The following SP1 variants were observed in gnomAD, a reference collection of about 807,000 sequenced individuals.
The protein encoded by SP1 is transcription factor Sp1.
Under a neutral mutation model 66.3 loss-of-function variants are expected in SP1, and 6 were observed. The ratio of observed to expected loss-of-function variants is 0.09; its 90% confidence interval spans 0.05 to 0.18. The LOEUF is 0.18. SP1 is among the 10% of genes least tolerant of loss of function. The pLI is 1.00. For synonymous variants in SP1, 417 were observed against 360.8 expected (o/e 1.16, Z -1.77); for missense variants, 848 against 964.5 (o/e 0.88, Z 1.60).
chr12:53,400,755 ATTTTTTT>A (rs10547195), intron 3 of SP1, among the ~76,000 whole-genome samples: 193 of 70,066 alleles, frequency 2.8e-3, no homozygotes, highest in African/African-American at 0.01. Flanking sequence ...CACTGGGCTA[ATTTTTTT>A]TTTTTTTTTT....
intron 3 of SP1, among the ~76,000 whole-genome samples, chr12:53,383,973 CTT>C (rs56055478): frequency 9.8e-5 from 13 of 132,900 alleles, no homozygotes; most frequent in Admixed American, 7.3e-5. Flanking sequence ...ATTTTCTTTT[CTT>C]TTTTTTTTTT....
At chr12:53,391,380 C>T (rs987011877) in intron 3 of SP1, among the ~76,000 whole-genome samples, 5 of 120,552 alleles carry the variant, frequency 4.1e-5, no homozygotes, top group East Asian at 2.7e-4. Context: ...GACGGAGTCT[C>T]GCTCTGTTGC....
rs930499873 is a variant in SP1 at position 53,380,216 on chromosome 12, C to A, written c.-76C>A. ...TCCGGTCCGGGTTCGCTTGCCTCGT[C>A]AGCGTCCGCGTTTTTCCCGGCCCCC... On this transcript the variant is annotated 5_prime_UTR_variant, in exon 1 of 6. Transcript: ENST00000327443. 4 of 1,144,088 alleles carry A rather than the reference C, an allele frequency of 3.5e-6. No homozygotes were observed. The South Asian group carries it at 5.1e-5, about 14-fold the overall frequency. The allele number at this position is 1,144,088 out of a possible 1,614,324, so 70.9% of individuals were successfully genotyped here.
rs569087502 is a variant in SP1 at position 53,412,489 on chromosome 12, C to G, written c.*1249C>G. On this transcript the variant is annotated 3_prime_UTR_variant, in exon 6 of 6. Transcript: ENST00000327443. Reference sequence around the variant, plus strand: ...TTGAACATCCCCACTAGGTTCTTTTCCATTGTCAATAAGGAGCATCAGCCA... The same window carrying G: ...TTGAACATCCCCACTAGGTTCTTTTGCATTGTCAATAAGGAGCATCAGCCA... The G allele has an allele frequency of 3.3e-5, 5 of 152,714 alleles. No individual in the cohort carries two copies. In the East Asian group the frequency reaches 9.6e-4, roughly 29 times the overall value. The allele number at this position is 152,714 out of a possible 1,614,324, so 9.5% of individuals were successfully genotyped here.
chr12:53,386,465 T>C (rs1243036471), intron 3 of SP1, among the ~76,000 whole-genome samples: 1 of 151,758 alleles, frequency 6.6e-6, no homozygotes, highest in Non-Finnish European at 1.5e-5. Flanking sequence ...GATGTAAGTC[T>C]ATGTAGACTG....
Position 53,383,395 on chromosome 12 carries a change from C to T in SP1, c.1448C>T (p.Thr483Ile). ...QVQNPQAQTITLAPMQGVSLG... is the reference protein window; with the variant it reads ...QVQNPQAQTIILAPMQGVSLG... Reference sequence around the variant, plus strand: ...CAGAACCCACAAGCCCAAACAATCACCTTAGCCCCAATGCAGGGTGTTTCC... The same window carrying T: ...CAGAACCCACAAGCCCAAACAATCATCTTAGCCCCAATGCAGGGTGTTTCC... Residue 483 changes from threonine (T) to isoleucine (I), a missense_variant, in exon 3 of 6, where the codon ACC becomes ATC. Physicochemically the swap from Thr to Ile is moderately conservative, Grantham distance 89. This residue lies in a region of SP1 where 606 missense variants were observed against 589.9 expected (regional missense o/e 1.03). Coordinates refer to ENST00000327443, the MANE Select transcript of SP1 (RefSeq NM_138473.3). The T allele has an allele frequency of 1.9e-6, 3 of 1,614,234 alleles. No homozygotes were observed. The highest frequency in any genetic ancestry group is 1.1e-5 in the South Asian group (1 of 91,088).
intron 3 of SP1, among the ~76,000 whole-genome samples, chr12:53,390,762 C>T (rs1306769868): frequency 1.3e-5 from 2 of 152,112 alleles, no homozygotes; most frequent in African/African-American, 4.8e-5. Context: ...TCCATTGCTC[C>T]TATTTATTCA....
At chr12:53,392,558 C>T (rs35854626) in intron 3 of SP1, among the ~76,000 whole-genome samples, 8 of 151,246 alleles carry the variant, frequency 5.3e-5, no homozygotes, top group African/African-American at 1.9e-4. Flanking sequence ...GGGGTTTCAC[C>T]GTTTTAGCCG....
At chr12:53,406,348 C>CA (rs1325798022) in intron 3 of SP1, among the ~76,000 whole-genome samples, 1 of 151,914 alleles carries the variant, frequency 6.6e-6, no homozygotes, top group Non-Finnish European at 1.5e-5. Flanking sequence ...GAATTACAGG[C>CA]GTGAACCACT....
chr12:53,396,131 AT>A (rs1938483745), intron 3 of SP1, among the ~76,000 whole-genome samples: 1 of 151,750 alleles, frequency 6.6e-6, no homozygotes, highest in African/African-American at 2.4e-5. Context: ...AAAAAAAAAA[AT>A]TAGCCGGGTG....
intron 3 of SP1, among the ~76,000 whole-genome samples, chr12:53,402,614 G>A (rs1938633645): frequency 6.6e-6 from 1 of 150,988 alleles, no homozygotes; most frequent in Non-Finnish European, 1.5e-5. Flanking sequence ...CAAGGGGGGC[G>A]GATCACCTAA....
At chr12:53,385,095 G>C (rs1186880356) in intron 3 of SP1, among the ~76,000 whole-genome samples, 2 of 150,442 alleles carry the variant, frequency 1.3e-5, no homozygotes, top group Non-Finnish European at 3.0e-5. Flanking sequence ...AGGAGTTCAA[G>C]ACCAGCGTGG....
Position 53,415,948 on chromosome 12 carries a change from T to A in SP1, c.*4708T>A, listed in dbSNP as rs1160967118. 1 of 151,516 alleles carries A rather than the reference T, an allele frequency of 6.6e-6. No individual in the cohort carries two copies. The highest frequency in any genetic ancestry group is 1.5e-5 in the Non-Finnish European group (1 of 67,670). The allele number at this position is 151,516 out of a possible 1,614,324, so 9.4% of individuals were successfully genotyped here. A position where few individuals can be genotyped will look rare whatever the true frequency, so the allele number is the denominator to read the frequency against. ...CGGGGAAGATACACTGAGATTGACC[T>A]GAGGAGACATCTACACACACCAGTG... On this transcript the variant is annotated 3_prime_UTR_variant, in exon 6 of 6. Transcript: ENST00000327443.
chr12:53,413,674 A>T lies in SP1; in HGVS notation c.*2434A>T, dbSNP rs1284053076. On this transcript the variant is annotated 3_prime_UTR_variant, in exon 6 of 6. Coordinates refer to ENST00000327443, the MANE Select transcript of SP1 (RefSeq NM_138473.3). ...CAGAACCTGTTATTTTATGTCTGTA[A>T]TCATGTACTTTGGCATCTTTTGGAG... 1 of 152,588 alleles carries T rather than the reference A, an allele frequency of 6.6e-6. No homozygotes were observed. Among genetic ancestry groups the T allele is most frequent in the Non-Finnish European group, 1.5e-5 (1 of 68,034 alleles). 9.5% of individuals were successfully genotyped at this position (152,588 alleles called of 1,614,324 possible). A position where few individuals can be genotyped will look rare whatever the true frequency, so the allele number is the denominator to read the frequency against.
At chr12:53,409,604 A>T (rs746626154) in intron 5 of SP1, 43 bp downstream of exon 5, 1 of 1,480,086 alleles carries the variant, frequency 6.8e-7, no homozygotes, top group South Asian at 1.1e-5. Flanking sequence ...AATAGACTAG[A>T]ATGAAAAACA....
At chr12:53,397,589 C>CTT (rs764088852) in intron 3 of SP1, among the ~76,000 whole-genome samples, 3 of 74,224 alleles carry the variant, frequency 4.0e-5, no homozygotes, top group African/African-American at 5.1e-5. Flanking sequence ...CTTTTTTTTT[C>CTT]TTTTTTTTTT....
intron 3 of SP1, among the ~76,000 whole-genome samples, chr12:53,400,590 G>GCT (rs939325448): frequency 6.6e-6 from 1 of 151,802 alleles, no homozygotes; most frequent in Non-Finnish European, 1.5e-5. Flanking sequence ...TCTTTGTTTT[G>GCT]TTTTGTTTTT....
At chr12:53,405,295 A>G (rs748670360) in intron 3 of SP1, among the ~76,000 whole-genome samples, 47 of 152,304 alleles carry the variant, frequency 3.1e-4, no homozygotes, top group Non-Finnish European at 5.6e-4. Context: ...TGCTGGTTCA[A>G]ATTAGATGTA....
In SP1 at chr12:53,382,399, C is replaced by T. The variant is rs79716001; in HGVS notation, c.452C>T (p.Ala151Val). Residue 151 changes from alanine to valine, a missense_variant, in exon 3 of 6, where the codon GCC (alanine) becomes GTC (valine). By Grantham distance (64) the Ala-to-Val change is moderately conservative. Transcript: ENST00000327443. ...TCTGGTGGGCAGTATGTTGTGGCTGCCGCTCCCAACTTACAGAACCAGCAA... is the reference window on the plus strand; with the variant it reads ...TCTGGTGGGCAGTATGTTGTGGCTGTCGCTCCCAACTTACAGAACCAGCAA... Reference protein sequence around the residue: ...TVSGGQYVVAAAPNLQNQQVL... With the variant: ...TVSGGQYVVAVAPNLQNQQVL... 6.2e-7 allele frequency: 1 copy of T among 1,613,214 alleles called. No homozygotes were observed. The highest frequency in any genetic ancestry group is 8.5e-7 in the Non-Finnish European group (1 of 1,179,924).
Sources: allele counts gnomAD v4.1 joint callset (sites outside exome capture counted in the v4.1 genomes callset), GRCh38; gene constraint gnomAD v4.1.1; regional missense constraint gnomAD v4.1.1; transcripts MANE v1.5; gene names NCBI Gene and HGNC (gene_info 2026-07-23, HGNC 2026-07-21).